UGT3A2: variants seen among roughly 807,000 people sequenced by gnomAD.
UGT3A2 encodes UDP glycosyltransferase family 3 member A2.
UGT3A2 carries 32 observed loss-of-function variants against 39.8 expected under a neutral mutation model. That is an observed-to-expected ratio of 0.80 (90% CI 0.61 to 1.08). The LOEUF (loss-of-function observed/expected upper bound fraction) is 1.08, where lower values mean the gene tolerates loss of function less well. UGT3A2 is among the 50% of genes least tolerant of loss of function. The pLI is 0.00. For synonymous variants in UGT3A2, 241 were observed against 230.7 expected (o/e 1.04, Z -0.40); for missense variants, 611 against 637.1 (o/e 0.96, Z 0.44).
chr5:36,049,139 C>G lies in UGT3A2; in HGVS notation c.593G>C (p.Trp198Ser), dbSNP rs373202259. The G allele has an allele frequency of 9.3e-6, 15 of 1,614,048 alleles. No homozygotes were observed. In the African/African-American group the frequency reaches 2.0e-4, roughly 22 times the overall value. ...CATCAGAAAATTCTTCACTCGGCCC[C>G]AGAAGTCCATGTGATCAGTCAGCAA... ...RSLLTDHMDF[W>S]GRVKNFLMFF... The change falls in exon 4 of 7, where the codon TGG becomes TCG. Residue 198 changes from tryptophan (W) to serine (S), a missense_variant. Transcript: ENST00000282507.
chr5:36,055,346 C>T (rs1742476796), intron 2 of UGT3A2, among the ~76,000 whole-genome samples: 1 of 152,022 alleles, frequency 6.6e-6, no homozygotes, highest in East Asian at 1.9e-4. Context: ...GATTCATGTG[C>T]CTCGGTCCTC....
At chr5:36,037,771 G>T in intron 6 of UGT3A2, 26 bp downstream of exon 6, 2 of 1,612,880 alleles carry the variant, frequency 1.2e-6, no homozygotes, top group South Asian at 2.2e-5. Flanking sequence ...TCGTCATTAT[G>T]ACCACAACCC....
rs1362487682 is a variant in UGT3A2 at position 36,051,282 on chromosome 5, T to C, written c.311+588A>G. On this transcript the variant is annotated intron_variant, in intron 3 of 6. Transcript: ENST00000282507. Reference sequence around the variant, plus strand: ...ATGTCTAAGATTAAAAAGTTATGTGTTCCTTCCCATCGAGATTAAGCAAAA... The same window carrying C: ...ATGTCTAAGATTAAAAAGTTATGTGCTCCTTCCCATCGAGATTAAGCAAAA... 2.0e-5 allele frequency among the ~76,000 whole-genome samples: 3 copies of C among 152,218 alleles called. No individual in the cohort carries two copies. In the East Asian group the frequency reaches 5.8e-4, roughly 29 times the overall value.
intron 2 of UGT3A2, among the ~76,000 whole-genome samples, chr5:36,057,515 G>GTT (rs1322374451): frequency 2.0e-5 from 3 of 147,604 alleles, no homozygotes; most frequent in African/African-American, 7.4e-5. Context: ...GCTTTCAGTA[G>GTT]TTTCTCTCTC....
Position 36,049,414 on chromosome 5 carries a change from T to A in UGT3A2, c.318A>T (p.Lys106Asn). ...FLEETLGGRG[K>N]FENLLNVLEY... ...CTAGAACATTTAATAAGTTTTCAAA[T>A]TTTCCTCTGTAAGAAAAAAATGATA... Residue 106 changes from lysine (K) to asparagine (N), a missense_variant, in exon 4 of 7, where the codon AAA becomes AAT. Coordinates refer to ENST00000282507, the MANE Select transcript of UGT3A2 (RefSeq NM_174914.4). 1.3e-6 allele frequency: 2 copies of A among 1,549,658 alleles called. No individual in the cohort carries two copies. The highest frequency in any genetic ancestry group is 8.7e-7 in the Non-Finnish European group (1 of 1,152,096).
At chr5:36,039,799 C>G (rs1487729565) in intron 4 of UGT3A2, 91 bp from the exon 5 acceptor site, 9 of 1,013,980 alleles carry the variant, frequency 8.9e-6, no homozygotes, top group Admixed American at 2.0e-5. Flanking sequence ...TTTACTAACA[C>G]AGTGCCCTGT....
In UGT3A2 at chr5:36,064,290, T is replaced by C. The variant is rs144849865; in HGVS notation, c.155A>G (p.Asn52Ser). 218 of 1,614,204 alleles carry C rather than the reference T, an allele frequency of 1.4e-4. 1 individual carries two copies. In the African/African-American group the frequency reaches 2.6e-3, roughly 20 times the overall value. Residue 52 changes from asparagine (N) to serine (S), a missense_variant, in exon 2 of 7, where the codon AAT becomes AGT. Asn to Ser is a conservative substitution (Grantham distance 46). Coordinates refer to ENST00000282507, the MANE Select transcript of UGT3A2 (RefSeq NM_174914.4). ...TCTTTTGTGGTTAAGCATGGTGACA[T>C]TATGACCGTGATCTTGAAGAATCTG... ...VSQILQDHGH[N>S]VTMLNHKRGP...
At chr5:36,048,810 TA>T in intron 4 of UGT3A2, 78 bp downstream of exon 4, 3 of 1,548,634 alleles carry the variant, frequency 1.9e-6, no homozygotes, top group Non-Finnish European at 1.7e-6. Flanking sequence ...CTCAGGATCC[TA>T]CTGGCAAGTG....
At position 36,066,845 on chromosome 5, in the gene UGT3A2, C is replaced by T; in HGVS notation, c.-56G>A. 1 of 1,606,702 alleles carries T rather than the reference C, an allele frequency of 6.2e-7. No homozygotes were observed. The highest frequency in any genetic ancestry group is 8.5e-7 in the Non-Finnish European group (1 of 1,173,528). ...CCTGGGCTGCGCGCCCTGCGCCCGG[C>T]TAAGGGACCCTGTGCACCTCAGTGC... On this transcript the variant is annotated 5_prime_UTR_variant, in exon 1 of 7. Transcript: ENST00000282507.
At chr5:36,056,887 C>A (rs920578289) in intron 2 of UGT3A2, among the ~76,000 whole-genome samples, 3 of 152,154 alleles carry the variant, frequency 2.0e-5, no homozygotes, top group Non-Finnish European at 4.4e-5. Flanking sequence ...CTACAAAAAG[C>A]CTGTGTATGA....
intron 5 of UGT3A2, 131 bp from the exon 6 acceptor site, chr5:36,038,147 G>T: frequency 1.1e-6 from 1 of 928,114 alleles, no homozygotes; most frequent in Non-Finnish European, 1.6e-6. Flanking sequence ...TAATGACTGT[G>T]CTTGGGACAC....
At chr5:36,052,079 T>C (rs564850676) in intron 2 of UGT3A2, 95 bp from the exon 3 acceptor site, 13 of 744,680 alleles carry the variant, frequency 1.7e-5, no homozygotes, top group Admixed American at 3.3e-5. Flanking sequence ...TCAAAGATTA[T>C]GTATGTATTT....
chr5:36,046,374 A>C (rs1742165607), intron 4 of UGT3A2, among the ~76,000 whole-genome samples: 2 of 152,240 alleles, frequency 1.3e-5, no homozygotes, highest in South Asian at 4.1e-4. Context: ...TTCCAACATC[A>C]GATGAATGGA....
rs371167524 is a variant in UGT3A2, at chr5:36,062,457, G to A, written c.196+1792C>T. Among the ~76,000 whole-genome samples the A allele has an allele frequency of 4.4e-3, 665 of 151,842 alleles. 4 individuals are homozygous for A. The highest frequency in any genetic ancestry group is 0.012 in the African/African-American group (492 of 41,318). ...AAGGGATCCAGTTTCAGCTTTCTAC[G>A]TATGGCTAGCCAGTTTTCCCAGCAC... On this transcript the variant is annotated intron_variant, in intron 2 of 6. Coordinates refer to ENST00000282507, the MANE Select transcript of UGT3A2 (RefSeq NM_174914.4).
intron 3 of UGT3A2, 143 bp downstream of exon 3, chr5:36,051,723 AATCC>A (rs869118466): frequency 1.5e-6 from 1 of 646,518 alleles, no homozygotes; most frequent in Non-Finnish European, 2.6e-6. Context: ...TCCATCTATC[AATCC>A]ATCCATCCGT....
intron 3 of UGT3A2, among the ~76,000 whole-genome samples, chr5:36,049,659 C>A (rs956453145): frequency 6.6e-6 from 1 of 152,184 alleles, no homozygotes; most frequent in African/African-American, 2.4e-5. Flanking sequence ...AAATCCCAAC[C>A]ACCATCAATG....
intron 5 of UGT3A2, among the ~76,000 whole-genome samples, chr5:36,039,027 G>A (rs1449566519): frequency 1.3e-5 from 2 of 152,210 alleles, no homozygotes; most frequent in Admixed American, 1.3e-4. Flanking sequence ...AAATTAAGAG[G>A]ATGTGTCCAT....
intron 2 of UGT3A2, among the ~76,000 whole-genome samples, chr5:36,057,589 G>A (rs931877308): frequency 6.9e-4 from 103 of 150,198 alleles, no homozygotes; most frequent in African/African-American, 2.0e-3. Flanking sequence ...AGGCTGGAAC[G>A]CAGTGGTATG....
chr5:36,037,508 T>C (rs573878617), intron 6 of UGT3A2, among the ~76,000 whole-genome samples: 1 of 152,212 alleles, frequency 6.6e-6, no homozygotes, highest in East Asian at 1.9e-4. Flanking sequence ...CTGACCTGAA[T>C]TCCAATTGAC....
Sources: allele counts gnomAD v4.1 joint callset (sites outside exome capture counted in the v4.1 genomes callset), GRCh38; gene constraint gnomAD v4.1.1; transcripts MANE v1.5; gene names NCBI Gene and HGNC (gene_info 2026-07-23, HGNC 2026-07-21).